The following GLYATL1B variants were observed in gnomAD, a reference collection of about 807,000 sequenced individuals.
GLYATL1B encodes the protein glycine-N-acyltransferase like 1B.
In GLYATL1B, 6 loss-of-function variants were observed where a neutral mutation model predicts 5.5. That is an observed-to-expected ratio of 1.09 (90% CI 0.60 to 2.15). The LOEUF (loss-of-function observed/expected upper bound fraction) is 2.15. Ranked by LOEUF, GLYATL1B falls within the 30% of genes most tolerant of loss-of-function variation. GLYATL1B has a pLI of 0.00. For synonymous variants in GLYATL1B, 67 were observed against 34.9 expected (o/e 1.92, Z -3.24); for missense variants, 135 against 94.1 (o/e 1.43, Z -1.80).
At chr11:59,092,734 A>G (rs1270560376) in intron 2 of GLYATL1B, among the ~76,000 whole-genome samples, 2 of 152,188 alleles carry the variant, frequency 1.3e-5, no homozygotes, top group African/African-American at 4.8e-5. Flanking sequence ...TGAGTCTAAC[A>G]CCACATAAAT....
intron 1 of GLYATL1B, 106 bp from the exon 2 acceptor site, chr11:59,086,958 G>T (rs1449865166): frequency 1.8e-5 from 8 of 443,770 alleles, no homozygotes; most frequent in Admixed American, 7.4e-5. Flanking sequence ...TCACTGACTT[G>T]GTCCCAGTAC....
chr11:59,090,510 T>C (rs922426931), intron 2 of GLYATL1B, among the ~76,000 whole-genome samples: 4 of 152,114 alleles, frequency 2.6e-5, no homozygotes, highest in African/African-American at 9.6e-5. Flanking sequence ...TTCCATTAAG[T>C]TTACCCTTAG....
chr11:59,091,649 CTG>C lies in GLYATL1B; in HGVS notation c.187-1879_187-1878del, dbSNP rs1859313986. ...GGATTATTACACTGTGGAAAGTAGT[CTG>C]GAAATTTCTTAGAGAACTTAAAAGA... is the stretch of plus-strand genomic sequence containing the variant. On this transcript the variant is annotated intron_variant, in intron 2 of 4. Transcript: ENST00000527482. Among the ~76,000 whole-genome samples the C allele has an allele frequency of 3.9e-5, 6 of 152,298 alleles. No individual in the cohort carries two copies. The South Asian group carries it at 1.2e-3, about 32-fold the overall frequency.
In GLYATL1B at chr11:59,094,097, T is replaced by G. The variant is rs993828310; in HGVS notation, c.477T>G (p.Asp159Glu). 4.7e-6 allele frequency: 3 copies of G among 634,600 alleles called. No individual in the cohort carries two copies. Among genetic ancestry groups the G allele is most frequent in the Non-Finnish European group, 8.5e-6 (3 of 351,410 alleles). The allele number at this position is 634,600 out of a possible 1,614,324, so 39.3% of individuals were successfully genotyped here. Reference protein sequence around the residue: ...LGSWAETGHPDDELESETPNF... With the variant: ...LGSWAETGHPEDELESETPNF... ...GCTGGGCTGAGACAGGCCACCCAGA[T>G]GACGAATTGGAGAGGTACAAAAAAC... The change falls in exon 4 of 5, where the codon GAT becomes GAG. Residue 159 changes from aspartate (D) to glutamate (E), a missense_variant. By Grantham distance (45) the Asp-to-Glu change is conservative. Transcript: ENST00000527482.
At chr11:59,091,001 A>C (rs914133821) in intron 2 of GLYATL1B, among the ~76,000 whole-genome samples, 26 of 152,200 alleles carry the variant, frequency 1.7e-4, no homozygotes, top group Admixed American at 5.2e-4. Flanking sequence ...ATGTTATTTC[A>C]TTTTTGTCTT....
intron 2 of GLYATL1B, among the ~76,000 whole-genome samples, chr11:59,090,245 T>G (rs1340581943): frequency 6.6e-6 from 1 of 152,044 alleles, no homozygotes; most frequent in African/African-American, 2.4e-5. Context: ...ATCTTTTTCT[T>G]GCTTTCCTAT....
chr11:59,086,828 T>C lies in GLYATL1B; in HGVS notation c.79-236T>C, dbSNP rs571618472. On this transcript the variant is annotated intron_variant, in intron 1 of 4. Coordinates refer to ENST00000527482, the MANE Select transcript of GLYATL1B (RefSeq NM_001355566.1). ...TATAAGTGCTAAGTGCATTAACAAG[T>C]GCCCAGCTACTGCACAGTAGCTCTG... Among the ~76,000 whole-genome samples, 23 of 152,314 alleles carry C rather than the reference T, an allele frequency of 1.5e-4. 1 individual carries two copies. In the East Asian group the frequency reaches 4.0e-3, roughly 27 times the overall value.
At chr11:59,089,725 G>A (rs1254077999) in intron 2 of GLYATL1B, among the ~76,000 whole-genome samples, 1 of 151,904 alleles carries the variant, frequency 6.6e-6, no homozygotes, top group African/African-American at 2.4e-5. Flanking sequence ...TGGATATGAG[G>A]GATACTAACA....
At chr11:59,092,855 G>A (rs1357558203) in intron 2 of GLYATL1B, among the ~76,000 whole-genome samples, 1 of 152,178 alleles carries the variant, frequency 6.6e-6, no homozygotes, top group Non-Finnish European at 1.5e-5. Context: ...CTTGGGAAAA[G>A]GCAATGTCTC....
rs112516845 is a variant in GLYATL1B at position 59,094,608 on chromosome 11, G to C, written c.731G>C (p.Gly244Ala). ...SVEKYRRRGN[G>A]TRLIMRCMKY... is the part of the protein sequence containing the mutation. ...GAAAAATACCGAAGGAGAGGCAATG[G>C]GACACGGCTGATCATGCGATGCATG... Residue 244 changes from glycine (G) to alanine (A), a missense_variant, in exon 5 of 5, where the codon GGG becomes GCG. Coordinates refer to ENST00000527482, the MANE Select transcript of GLYATL1B (RefSeq NM_001355566.1). The C allele has an allele frequency of 3.0e-5, 14 of 461,440 alleles. No homozygotes were observed. The highest frequency in any genetic ancestry group is 6.0e-5 in the African/African-American group (3 of 49,948). 28.6% of individuals were successfully genotyped at this position (461,440 alleles called of 1,614,324 possible). A position where few individuals can be genotyped will look rare whatever the true frequency, so the allele number is the denominator to read the frequency against.
intron 2 of GLYATL1B, among the ~76,000 whole-genome samples, chr11:59,090,227 C>T (rs1859279419): frequency 6.6e-6 from 1 of 151,932 alleles, no homozygotes; most frequent in African/African-American, 2.4e-5. Flanking sequence ...GCAAATCACC[C>T]TTCACTAATC....
chr11:59,090,690 G>A (rs555653861), intron 2 of GLYATL1B, among the ~76,000 whole-genome samples: 5 of 151,448 alleles, frequency 3.3e-5, no homozygotes, highest in Admixed American at 6.6e-5. Context: ...GTTTTCTGTC[G>A]AAGTCTCTTA....
chr11:59,090,420 CTT>C lies in GLYATL1B; in HGVS notation c.187-3107_187-3106del, dbSNP rs554410633. On this transcript the variant is annotated intron_variant, in intron 2 of 4. Coordinates refer to ENST00000527482, the MANE Select transcript of GLYATL1B (RefSeq NM_001355566.1). ...AAATATTTTTATCAAGAAATATGGTCTTTCTCTCACTTTTTTCAGTTTCTGTT... is the reference window on the plus strand; with the variant it reads ...AAATATTTTTATCAAGAAATATGGTCTCTCTCACTTTTTTCAGTTTCTGTT... Among the ~76,000 whole-genome samples the C allele has an allele frequency of 2.5e-3, 377 of 151,816 alleles. 3 individuals carry two copies. Among genetic ancestry groups the C allele is most frequent in the African/African-American group, 8.1e-3 (337 of 41,470 alleles).
intron 2 of GLYATL1B, among the ~76,000 whole-genome samples, chr11:59,088,591 C>A (rs551806462): frequency 2.6e-5 from 4 of 152,266 alleles, no homozygotes; most frequent in Non-Finnish European, 4.4e-5. Flanking sequence ...CTGTATGAAC[C>A]AAATAGTTCT....
At chr11:59,088,475 G>A (rs995534341) in intron 2 of GLYATL1B, among the ~76,000 whole-genome samples, 9 of 152,082 alleles carry the variant, frequency 5.9e-5, no homozygotes, top group African/African-American at 1.9e-4. Context: ...CTTCCCCAGG[G>A]ATGTTCTTTT....
intron 2 of GLYATL1B, among the ~76,000 whole-genome samples, chr11:59,088,933 T>C (rs1859249790): frequency 6.6e-6 from 1 of 152,182 alleles, no homozygotes; most frequent in South Asian, 2.1e-4. Flanking sequence ...AAAATATTAA[T>C]TTTTCTTTGT....
At chr11:59,092,281 T>C (rs1236870790) in intron 2 of GLYATL1B, among the ~76,000 whole-genome samples, 1 of 152,168 alleles carries the variant, frequency 6.6e-6, no homozygotes, top group Non-Finnish European at 1.5e-5. Flanking sequence ...TGGCTTTATA[T>C]ATCATTTGCA....
At position 59,093,978 on chromosome 11, in the gene GLYATL1B, T is replaced by G. The variant is rs1204300423; in HGVS notation, c.358T>G (p.Ser120Ala). The G allele has an allele frequency of 2.8e-6, 2 of 712,844 alleles. No homozygotes were observed. Among genetic ancestry groups the G allele is most frequent in the African/African-American group, 3.6e-5 (2 of 55,708 alleles). The allele number at this position is 712,844 out of a possible 1,614,324, so 44.2% of individuals were successfully genotyped here. A position where few individuals can be genotyped will look rare whatever the true frequency, so the allele number is the denominator to read the frequency against. Residue 120 changes from serine (S) to alanine (A), a missense_variant, in exon 4 of 5, where the codon TCA (serine) becomes GCA (alanine). By Grantham distance (99) the Ser-to-Ala change is moderately conservative. Coordinates refer to ENST00000527482, the MANE Select transcript of GLYATL1B (RefSeq NM_001355566.1). The stretch of plus-strand genomic sequence containing the variant: ...TGAGGGGATAAGAGCAGCTGCATTT[T>G]CAAATTCAGTGAAGGTAGAGCATTC... ...LGEGIRAAAF[S>A]NSVKVEHSRA...
rs199528233 is a variant in GLYATL1B at position 59,087,229 on chromosome 11, G to A, written c.186+58G>A. On this transcript the variant is annotated intron_variant, in intron 2 of 4. Transcript: ENST00000527482. ...GCAGGTCCAAAGGGCCTGAGGAACTGTCCAATTCAGACACCATGGCTGCTT... is the reference window on the plus strand; with the variant it reads ...GCAGGTCCAAAGGGCCTGAGGAACTATCCAATTCAGACACCATGGCTGCTT... 3.1e-5 allele frequency: 15 copies of A among 480,768 alleles called. No individual in the cohort carries two copies. The East Asian group carries it at 4.6e-4, about 15-fold the overall frequency. The allele number at this position is 480,768 out of a possible 1,614,324, so 29.8% of individuals were successfully genotyped here. A position where few individuals can be genotyped will look rare whatever the true frequency, so the allele number is the denominator to read the frequency against.
Sources: allele counts gnomAD v4.1 joint callset (sites outside exome capture counted in the v4.1 genomes callset), GRCh38; gene constraint gnomAD v4.1.1; transcripts MANE v1.5; gene names NCBI Gene and HGNC (gene_info 2026-07-23, HGNC 2026-07-21).